Variants in ANKRD44 observed in about 807,000 individuals in gnomAD.
ANKRD44 encodes serine/threonine-protein phosphatase 6 regulatory ankyrin repeat subunit B.
ANKRD44 carries 35 observed loss-of-function variants against 116.0 expected under a neutral mutation model. That is an observed-to-expected ratio of 0.30 (90% CI 0.23 to 0.40). ANKRD44 has a LOEUF of 0.40. Ranked by LOEUF, ANKRD44 falls within the 10% of genes least tolerant of loss-of-function variation. ANKRD44 has a pLI of 1.00. For synonymous variants in ANKRD44, 435 were observed against 461.8 expected, an observed-to-expected ratio of 0.94 and a Z score of 0.74; for missense variants, 1,014 against 1,242.6, an observed-to-expected ratio of 0.82 and a Z score of 2.77.
Position 197,063,799 on chromosome 2 carries a change from T to C in ANKRD44, c.1650+14904A>G, listed in dbSNP as rs2077371648. On this transcript the variant is annotated intron_variant, in intron 16 of 27. Coordinates refer to ENST00000282272, the MANE Select transcript of ANKRD44 (RefSeq NM_001195144.2). ...ACAAAGCCTCCAAGAAATATGGGAC[T>C]ATGTGAAAAGACCAAATCTACGTCT... is the stretch of plus-strand genomic sequence containing the variant. 2.6e-5 allele frequency among the ~76,000 whole-genome samples: 4 copies of C among 152,160 alleles called. No individual in the cohort carries two copies. The South Asian group carries it at 8.3e-4, about 32-fold the overall frequency.
intron 1 of ANKRD44, among the ~76,000 whole-genome samples, chr2:197,301,889 T>C (rs575044856): frequency 1.6e-4 from 25 of 152,240 alleles, no homozygotes; most frequent in African/African-American, 6.0e-4. Flanking sequence ...AAATATATGG[T>C]ATGAGGGATT....
At chr2:197,039,326 G>A (rs2076864062) in intron 16 of ANKRD44, among the ~76,000 whole-genome samples, 1 of 152,168 alleles carries the variant, frequency 6.6e-6, no homozygotes, top group Admixed American at 6.5e-5. Flanking sequence ...CAAAGTGAAT[G>A]CCCTGGCTGC....
chr2:197,084,880 A>C (rs926525967), intron 13 of ANKRD44, among the ~76,000 whole-genome samples: 5 of 152,198 alleles, frequency 3.3e-5, no homozygotes, highest in African/African-American at 1.2e-4. Context: ...TTCTAGGTCT[A>C]AAATTCTGTG....
In ANKRD44 at chr2:196,987,799, CAAAT is replaced by C. The variant is rs1421453325; in HGVS notation, c.*1788_*1791del. Reference sequence around the variant, plus strand: ...GTTAAAATACAGTCTAAAAATAACACAAATAAAAGCACTAAGCAACTAAGACTCA... The same window carrying C: ...GTTAAAATACAGTCTAAAAATAACACAAAAGCACTAAGCAACTAAGACTCA... On this transcript the variant is annotated 3_prime_UTR_variant, in exon 28 of 28. Transcript: ENST00000282272. 25 of 985,028 alleles carry C rather than the reference CAAAT, an allele frequency of 2.5e-5. No homozygotes were observed. Among genetic ancestry groups the C allele is most frequent in the Non-Finnish European group, 2.9e-5 (24 of 829,866 alleles). 61.0% of individuals were successfully genotyped at this position (985,028 alleles called of 1,614,324 possible).
intron 16 of ANKRD44, among the ~76,000 whole-genome samples, chr2:197,069,978 T>G (rs925108225): frequency 2.6e-5 from 4 of 152,058 alleles, no homozygotes; most frequent in Non-Finnish European, 4.4e-5. Flanking sequence ...AAGCACAGAG[T>G]TATTGACAGC....
intron 2 of ANKRD44, among the ~76,000 whole-genome samples, chr2:197,177,333 A>G (rs2080389441): frequency 6.6e-6 from 1 of 152,196 alleles, no homozygotes; most frequent in Admixed American, 6.5e-5. Flanking sequence ...AAGAAAGAAA[A>G]GAATTCTACT....
chr2:197,143,053 CA>C (rs1324038730), intron 3 of ANKRD44, among the ~76,000 whole-genome samples: 1 of 150,174 alleles, frequency 6.7e-6, no homozygotes, highest in African/African-American at 2.4e-5. Flanking sequence ...AGTTATGCCT[CA>C]CAAACACTCC....
rs998802417 is a variant in ANKRD44 at position 197,006,278 on chromosome 2, T to TA, written c.2131-369dup. Among the ~76,000 whole-genome samples, 7 of 151,512 alleles carry TA rather than the reference T, an allele frequency of 4.6e-5. 1 individual carries two copies. The Middle Eastern group carries it at 0.01, about 221-fold the overall frequency. On this transcript the variant is annotated intron_variant, in intron 20 of 27. Transcript: ENST00000282272. ...TAACATGGTGAAACCCCATCTCTAC[T>TA]AAAAAAAATACGAAAAATTAGCCTG...
rs569057969 is a variant in ANKRD44 at position 197,112,664 on chromosome 2, T to C, written c.907-1820A>G. 2.2e-3 allele frequency among the ~76,000 whole-genome samples: 309 copies of C among 142,472 alleles called. 5 individuals are homozygous for C. Among genetic ancestry groups the C allele is most frequent in the Admixed American group, 0.019 (244 of 13,148 alleles). The allele number at this position is 142,472 out of a possible 152,430, so 93.5% of individuals were successfully genotyped here. A position where few individuals can be genotyped will look rare whatever the true frequency, so the allele number is the denominator to read the frequency against. ...CGGAGTTTGCAGTGAGCCGAAATCG[T>C]GCCACTGCACTCCAGCCTGGGCGAC... On this transcript the variant is annotated intron_variant, in intron 8 of 27. Transcript: ENST00000282272.
intron 4 of ANKRD44, 82 bp from the exon 5 acceptor site, chr2:197,126,119 T>C: frequency 7.0e-7 from 1 of 1,424,612 alleles, no homozygotes; most frequent in Non-Finnish European, 9.8e-7. Context: ...CACCAAACCC[T>C]GGAACTATGG....
chr2:197,124,302 T>C (rs1390688343), intron 6 of ANKRD44, among the ~76,000 whole-genome samples: 1 of 152,202 alleles, frequency 6.6e-6, no homozygotes, highest in Non-Finnish European at 1.5e-5. Flanking sequence ...ACAATTAATG[T>C]TAATTTTTAA....
chr2:197,151,040 A>G (rs898431637), intron 2 of ANKRD44, among the ~76,000 whole-genome samples: 4 of 151,648 alleles, frequency 2.6e-5, no homozygotes, highest in African/African-American at 9.7e-5. Context: ...CATGTGGTTT[A>G]GAGCTTTGAA....
At chr2:197,139,881 T>C (rs1024051930) in intron 3 of ANKRD44, among the ~76,000 whole-genome samples, 11 of 143,696 alleles carry the variant, frequency 7.7e-5, no homozygotes, top group African/African-American at 2.5e-4. Context: ...TGTGTGTGTG[T>C]GTGTGTGTGT....
At chr2:197,229,518 A>T (rs868819159) in intron 1 of ANKRD44, among the ~76,000 whole-genome samples, 6 of 152,242 alleles carry the variant, frequency 3.9e-5, no homozygotes, top group Non-Finnish European at 8.8e-5. Context: ...AATGAATTAA[A>T]TAACAATAAC....
rs77775860 is a variant in ANKRD44, at chr2:197,002,276, G to A, written c.2348-436C>T. Among the ~76,000 whole-genome samples, 497 of 152,298 alleles carry A rather than the reference G, an allele frequency of 3.3e-3. 4 individuals are homozygous for A. The highest frequency in any genetic ancestry group is 0.012 in the African/African-American group (480 of 41,566). ...CTGTGATTAGGAGAAAACAGTATTT[G>A]AGATAATGCATGTGAAAATTGACTA... On this transcript the variant is annotated intron_variant, in intron 21 of 27. Coordinates refer to ENST00000282272, the MANE Select transcript of ANKRD44 (RefSeq NM_001195144.2).
At chr2:197,097,744 C>G (rs1326522402) in intron 10 of ANKRD44, among the ~76,000 whole-genome samples, 1 of 152,222 alleles carries the variant, frequency 6.6e-6, no homozygotes, top group African/African-American at 2.4e-5. Context: ...GTCTGGACTG[C>G]TATCAGAGCG....
intron 1 of ANKRD44, among the ~76,000 whole-genome samples, chr2:197,237,730 A>G (rs1036296458): frequency 1.3e-5 from 2 of 152,216 alleles, no homozygotes; most frequent in Non-Finnish European, 2.9e-5. Context: ...TGTTTTATTT[A>G]TTTTGTGATA....
chr2:197,091,515 C>T (rs1203124471), intron 10 of ANKRD44, among the ~76,000 whole-genome samples: 1 of 152,186 alleles, frequency 6.6e-6, no homozygotes, highest in Non-Finnish European at 1.5e-5. Flanking sequence ...CATCACTATA[C>T]CCAGCTAATT....
chr2:197,079,751 C>T (rs558113477), intron 15 of ANKRD44, among the ~76,000 whole-genome samples: 1 of 152,108 alleles, frequency 6.6e-6, no homozygotes, highest in Admixed American at 6.5e-5. Flanking sequence ...AAATATCAAC[C>T]CATACATTAA....
Sources: allele counts gnomAD v4.1 joint callset (sites outside exome capture counted in the v4.1 genomes callset), GRCh38; gene constraint gnomAD v4.1.1; transcripts MANE v1.5; gene names NCBI Gene and HGNC (gene_info 2026-07-23, HGNC 2026-07-21).